DACH2: variants seen among roughly 807,000 people sequenced by gnomAD.
DACH2 encodes dachshund homolog 2.
A neutral mutation model predicts 35.8 loss-of-function variants in DACH2; 17 were observed. That is an observed-to-expected ratio of 0.48 (90% CI 0.33 to 0.71). The LOEUF is 0.71. Among genes scored for constraint, DACH2 ranks in the 30% least tolerant of loss-of-function variants. The pLI is 0.02. For synonymous variants in DACH2, 195 were observed against 177.3 expected (o/e 1.10, Z -0.79); for missense variants, 469 against 472.7 (o/e 0.99, Z 0.07).
chrX:86,804,258 C>T, intron 7 of DACH2, among the ~76,000 whole-genome samples: 1 of 111,695 alleles, frequency 9.0e-6, no homozygotes, highest in South Asian at 3.7e-4. Context: ...TGGCAGAAGG[C>T]AAAGGAGAAG....
At chrX:86,795,555 A>C (rs2042228567) in intron 7 of DACH2, among the ~76,000 whole-genome samples, 1 of 112,487 alleles carries the variant, frequency 8.9e-6, no homozygotes, top group African/African-American at 3.2e-5. Context: ...AGGTTATCCA[A>C]AGCAAACATG....
chrX:86,254,342 G>A (rs2033458353), intron 1 of DACH2, among the ~76,000 whole-genome samples: 1 of 110,833 alleles, frequency 9.0e-6, no homozygotes, highest in African/African-American at 3.3e-5. Flanking sequence ...GCCTAAACAT[G>A]GGTTACTGTT....
intron 2 of DACH2, among the ~76,000 whole-genome samples, chrX:86,487,823 C>T (rs1177592857): frequency 1.8e-5 from 2 of 111,658 alleles, no homozygotes; most frequent in Non-Finnish European, 3.8e-5. Context: ...TATTTCTCCA[C>T]GAAGTAAAAG....
chrX:86,520,503 G>T (rs972685945), intron 3 of DACH2, among the ~76,000 whole-genome samples: 16 of 111,249 alleles, frequency 1.4e-4, no homozygotes, highest in Non-Finnish European at 2.1e-4. Context: ...TCATTGGAGG[G>T]CTGAAGTCTC....
chrX:86,208,143 A>G (rs2032360533), intron 1 of DACH2, among the ~76,000 whole-genome samples: 1 of 110,970 alleles, frequency 9.0e-6, no homozygotes, highest in Admixed American at 9.7e-5. Flanking sequence ...AGAAAATACT[A>G]CAGTTTCTAA....
rs779875862 is a variant in DACH2 at position 86,478,768 on chromosome X, C to A, written c.528-35511C>A. Among the ~76,000 whole-genome samples, 3 of 108,983 alleles carry A rather than the reference C, an allele frequency of 2.8e-5. No individual in the cohort carries two copies. In the South Asian group the frequency reaches 1.2e-3, roughly 43 times the overall value. 94.6% of individuals were successfully genotyped at this position (108,983 alleles called of 115,157 possible). A position where few individuals can be genotyped will look rare whatever the true frequency, so the allele number is the denominator to read the frequency against. On this transcript the variant is annotated intron_variant, in intron 2 of 11. Transcript: ENST00000373125. ...GGTCTTGAGGAGCATTTTTGGGCTT[C>A]GACCCATGGGCAGCATCTAGGGAGT...
intron 3 of DACH2, among the ~76,000 whole-genome samples, chrX:86,604,615 T>TAA (rs2039834238): frequency 8.9e-6 from 1 of 111,810 alleles, no homozygotes; most frequent in Non-Finnish European, 1.9e-5. Flanking sequence ...CCCAATGATT[T>TAA]AAACACTTAT....
chrX:86,215,115 T>C (rs910544288), intron 1 of DACH2, among the ~76,000 whole-genome samples: 2 of 111,112 alleles, frequency 1.8e-5, no homozygotes, highest in Non-Finnish European at 3.8e-5. Flanking sequence ...ATTGGAGGTA[T>C]TTCTTTTCTT....
intron 6 of DACH2, among the ~76,000 whole-genome samples, chrX:86,736,395 T>C (rs1427988635): frequency 9.0e-6 from 1 of 111,577 alleles, no homozygotes; most frequent in Admixed American, 9.6e-5. Context: ...TCAAAGTTTG[T>C]TCATTGTTTT....
intron 3 of DACH2, among the ~76,000 whole-genome samples, chrX:86,605,260 TG>T (rs2039842126): frequency 8.9e-6 from 1 of 111,870 alleles, no homozygotes; most frequent in African/African-American, 3.2e-5. Context: ...GGTATCATAT[TG>T]TTTCTATCTG....
chrX:86,709,380 A>T (rs2041253990), intron 5 of DACH2, among the ~76,000 whole-genome samples: 1 of 111,830 alleles, frequency 8.9e-6, no homozygotes, highest in Non-Finnish European at 1.9e-5. Context: ...CTAGACACAG[A>T]CCATCTGCCC....
intron 3 of DACH2, among the ~76,000 whole-genome samples, chrX:86,643,172 G>GT (rs57842008): frequency 0.14 from 12,167 of 84,394 alleles, 839 homozygotes; most frequent in East Asian, 0.33. Flanking sequence ...TCCAGGAATT[G>GT]TTTTTTTTTT....
chrX:86,446,559 C>A (rs1386760537), intron 2 of DACH2, among the ~76,000 whole-genome samples: 30 of 46,625 alleles, frequency 6.4e-4, no homozygotes, highest in African/African-American at 2.4e-3. Flanking sequence ...GTTTTTTGTT[C>A]TTGCGATAGT....
intron 3 of DACH2, among the ~76,000 whole-genome samples, chrX:86,566,527 G>A (rs1195513254): frequency 1.8e-5 from 2 of 111,248 alleles, no homozygotes; most frequent in South Asian, 7.4e-4. Flanking sequence ...CAGAAAATAA[G>A]CCTTAGTCGA....
intron 3 of DACH2, among the ~76,000 whole-genome samples, chrX:86,519,714 T>A (rs1304725543): frequency 9.0e-6 from 1 of 111,548 alleles, no homozygotes; most frequent in Non-Finnish European, 1.9e-5. Context: ...TGATGGTTGT[T>A]TTTATTTCTG....
intron 7 of DACH2, among the ~76,000 whole-genome samples, chrX:86,796,997 C>G (rs1282129945): frequency 9.0e-6 from 1 of 111,220 alleles, no homozygotes; most frequent in Non-Finnish European, 1.9e-5. Flanking sequence ...TATAGAACAA[C>G]TATAACAATA....
intron 1 of DACH2, among the ~76,000 whole-genome samples, chrX:86,320,351 A>G (rs2034992950): frequency 8.9e-6 from 1 of 112,342 alleles, no homozygotes; most frequent in Non-Finnish European, 1.9e-5. Context: ...TTAAACCATT[A>G]CAGAGAATGT....
intron 7 of DACH2, among the ~76,000 whole-genome samples, chrX:86,797,891 A>G (rs1453871930): frequency 1.8e-5 from 2 of 111,742 alleles, no homozygotes; most frequent in Middle Eastern, 4.6e-3. Context: ...TTCTCCATAT[A>G]ATGCGTTCCA....
At chrX:86,609,894 T>G (rs1334432046) in intron 3 of DACH2, among the ~76,000 whole-genome samples, 1 of 111,692 alleles carries the variant, frequency 9.0e-6, no homozygotes, top group Non-Finnish European at 1.9e-5. Flanking sequence ...CCCTTAAGAC[T>G]GTGCTGAATG....
Sources: allele counts gnomAD v4.1 joint callset (sites outside exome capture counted in the v4.1 genomes callset), GRCh38; gene constraint gnomAD v4.1.1; transcripts MANE v1.5; gene names NCBI Gene and HGNC (gene_info 2026-07-23, HGNC 2026-07-21).